RABGAP1: variants seen among roughly 807,000 people sequenced by gnomAD.
The protein encoded by RABGAP1 is rab GTPase-activating protein 1.
Under a neutral mutation model 137.6 loss-of-function variants are expected in RABGAP1, and 23 were observed. The observed-to-expected ratio is 0.17, with a 90% CI of 0.12 to 0.24. RABGAP1 has a LOEUF of 0.24. RABGAP1 is among the 10% of genes least tolerant of loss of function. The pLI, the probability that RABGAP1 is intolerant of heterozygous loss-of-function variation, is 1.00. For synonymous variants in RABGAP1, 451 were observed against 450.7 expected, an observed-to-expected ratio of 1.00 and a Z score of -0.01; for missense variants, 906 against 1,275.8, an observed-to-expected ratio of 0.71 and a Z score of 4.42.
intron 2 of RABGAP1, among the ~76,000 whole-genome samples, chr9:122,973,603 T>A (rs546996318): frequency 1.3e-5 from 2 of 152,204 alleles, no homozygotes; most frequent in Admixed American, 1.3e-4. Context: ...TTGACATTAT[T>A]TAGATGAAAG....
intron 19 of RABGAP1, among the ~76,000 whole-genome samples, chr9:123,085,037 T>C (rs2034824736): frequency 6.6e-6 from 1 of 152,206 alleles, no homozygotes; most frequent in South Asian, 2.1e-4. Flanking sequence ...TCCCTGTCTG[T>C]TCCAGGGGCT....
At chr9:123,008,938 A>G (rs1444622653) in intron 10 of RABGAP1, among the ~76,000 whole-genome samples, 1 of 152,220 alleles carries the variant, frequency 6.6e-6, no homozygotes, top group Admixed American at 6.5e-5. Context: ...CCTGGACACA[A>G]ATCTATAGGT....
At chr9:122,969,304 A>G (rs747608685) in intron 2 of RABGAP1, among the ~76,000 whole-genome samples, 2 of 152,242 alleles carry the variant, frequency 1.3e-5, no homozygotes, top group Non-Finnish European at 2.9e-5. Context: ...AGTACACTCT[A>G]TGATGTTCAT....
Position 122,986,293 on chromosome 9 carries a change from G to T in RABGAP1, c.464G>T (p.Cys155Phe). 1.2e-6 allele frequency: 2 copies of T among 1,614,142 alleles called. No individual in the cohort carries two copies. The highest frequency in any genetic ancestry group is 1.7e-6 in the Non-Finnish European group (2 of 1,179,986). Residue 155 changes from cysteine to phenylalanine, a missense_variant, in exon 4 of 26, where the codon TGT (cysteine) becomes TTT (phenylalanine). By Grantham distance (205) the Cys-to-Phe change is radical. Transcript: ENST00000373647. Reference protein sequence around the residue: ...VVFSKLTYLGCASVNAPRSEV... With the variant: ...VVFSKLTYLGFASVNAPRSEV... ...TTCAGTAAACTGACTTACTTAGGCTGTGCCTCGGTAAATGCTCCCAGGAGT... is the reference window on the plus strand; with the variant it reads ...TTCAGTAAACTGACTTACTTAGGCTTTGCCTCGGTAAATGCTCCCAGGAGT...
intron 2 of RABGAP1, among the ~76,000 whole-genome samples, chr9:122,965,663 C>T (rs1386542732): frequency 1.3e-5 from 2 of 152,174 alleles, no homozygotes; most frequent in Non-Finnish European, 2.9e-5. Context: ...GGATTACAGG[C>T]GTGAGCCACC....
chr9:122,991,604 TC>T (rs1376247883), intron 6 of RABGAP1, among the ~76,000 whole-genome samples: 4 of 136,190 alleles, frequency 2.9e-5, no homozygotes, highest in African/African-American at 1.5e-4. Context: ...TCTCTCTCTC[TC>T]TTTTTTTTTT....
At chr9:122,985,599 G>A (rs948593548) in intron 3 of RABGAP1, among the ~76,000 whole-genome samples, 10 of 118,726 alleles carry the variant, frequency 8.4e-5, no homozygotes, top group African/African-American at 2.5e-4. Context: ...GCGACAGAGC[G>A]AGACTCCGTC....
intron 1 of RABGAP1, among the ~76,000 whole-genome samples, chr9:122,954,574 T>C (rs1834411047): frequency 6.6e-6 from 1 of 152,238 alleles, no homozygotes; most frequent in African/African-American, 2.4e-5. Flanking sequence ...GTTGTTAGTG[T>C]CTGAGACCAG....
At chr9:122,932,690 G>A in the RABGAP1 span, among the ~76,000 whole-genome samples, 1 of 151,876 alleles carries the variant, frequency 6.6e-6, no homozygotes, top group Non-Finnish European at 1.5e-5. Context: ...CCACCACACC[G>A]GGCTAATTTG....
intron 10 of RABGAP1, among the ~76,000 whole-genome samples, chr9:123,007,553 ATTTT>A (rs34448685): frequency 9.6e-6 from 1 of 104,534 alleles, no homozygotes; most frequent in Non-Finnish European, 1.8e-5. Flanking sequence ...AAGTTTTTGT[ATTTT>A]TTTTTTTTTT....
chr9:122,995,391 C>T (rs1283706757), intron 6 of RABGAP1, among the ~76,000 whole-genome samples: 1 of 151,724 alleles, frequency 6.6e-6, no homozygotes, highest in Admixed American at 6.6e-5. Context: ...TCTGTAAAGC[C>T]CAGTGATAAA....
intron 10 of RABGAP1, among the ~76,000 whole-genome samples, chr9:123,008,413 C>G (rs191049379): frequency 6.6e-6 from 1 of 151,802 alleles, no homozygotes; most frequent in African/African-American, 2.4e-5. Flanking sequence ...GGCATAGTGG[C>G]GGGCTCCTGT....
intron 8 of RABGAP1, 70 bp from the exon 9 acceptor site, chr9:122,997,189 C>T: frequency 8.5e-7 from 1 of 1,179,568 alleles, no homozygotes; most frequent in Non-Finnish European, 1.2e-6. Flanking sequence ...TTTTTAAAGG[C>T]AGCAAGATGG....
At chr9:123,017,600 A>G (rs1380453261) in intron 12 of RABGAP1, among the ~76,000 whole-genome samples, 4 of 152,144 alleles carry the variant, frequency 2.6e-5, no homozygotes, top group African/African-American at 9.7e-5. Flanking sequence ...TACCTCTCCT[A>G]CTTTTAAGCT....
Position 122,998,695 on chromosome 9 carries a change from C to G in RABGAP1, c.1303C>G (p.Pro435Ala). 1 of 1,612,574 alleles carries G rather than the reference C, an allele frequency of 6.2e-7. No individual in the cohort carries two copies. The highest frequency in any genetic ancestry group is 1.3e-5 in the African/African-American group (1 of 75,016). ...GGAGACAAAAGTCCGCGTTTGCTCACCTAATGAAAGATTATTCTGGCCCTT... is the reference window on the plus strand; with the variant it reads ...GGAGACAAAAGTCCGCGTTTGCTCAGCTAATGAAAGATTATTCTGGCCCTT... The part of the protein sequence containing the change: ...LLETKVRVCS[P>A]NERLFWPFSK... The change falls in exon 10 of 26, where the codon CCT becomes GCT. Residue 435 changes from proline (P) to alanine (A), a missense_variant. By Grantham distance (27) the Pro-to-Ala change is conservative. Transcript: ENST00000373647.
At chr9:122,987,817 A>T (rs1005353069) in intron 4 of RABGAP1, among the ~76,000 whole-genome samples, 2 of 152,166 alleles carry the variant, frequency 1.3e-5, no homozygotes, top group African/African-American at 4.8e-5. Flanking sequence ...CTAGAAGTAA[A>T]CTTATTGAGT....
intron 10 of RABGAP1, among the ~76,000 whole-genome samples, chr9:123,002,480 T>G (rs1837375226): frequency 6.6e-6 from 1 of 151,402 alleles, no homozygotes; most frequent in African/African-American, 2.4e-5. Flanking sequence ...CTCATTTTAG[T>G]GAACATAAAT....
At chr9:123,003,861 A>C (rs2029951824) in intron 10 of RABGAP1, among the ~76,000 whole-genome samples, 1 of 152,268 alleles carries the variant, frequency 6.6e-6, no homozygotes, top group African/African-American at 2.4e-5. Flanking sequence ...AAACATTCTT[A>C]TAACTATAGA....
intron 6 of RABGAP1, among the ~76,000 whole-genome samples, chr9:122,994,585 G>C (rs1836921520): frequency 6.6e-6 from 1 of 152,156 alleles, no homozygotes; most frequent in Admixed American, 6.6e-5. Context: ...GTGCAGAAGG[G>C]CTTCAAATTA....
Sources: allele counts gnomAD v4.1 joint callset (sites outside exome capture counted in the v4.1 genomes callset), GRCh38; gene constraint gnomAD v4.1.1; transcripts MANE v1.5; gene names NCBI Gene and HGNC (gene_info 2026-07-23, HGNC 2026-07-21).